The following ZFHX3 variants were observed in gnomAD, a reference collection of about 807,000 sequenced individuals.
ZFHX3 encodes the protein zinc finger homeobox 3, also known as zinc finger homeobox protein 3.
A neutral mutation model predicts 279.1 loss-of-function variants in ZFHX3; 42 were observed. The observed-to-expected ratio is 0.15, with a 90% confidence interval of 0.12 to 0.19. The LOEUF (loss-of-function observed/expected upper bound fraction) is 0.19. Among genes scored for constraint, ZFHX3 ranks in the 10% least tolerant of loss-of-function variants. ZFHX3 has a pLI of 1.00. For synonymous variants in ZFHX3, 2,293 were observed against 1,957.8 expected, an observed-to-expected ratio of 1.17 and a Z score of -4.52; for missense variants, 4,981 against 4,754.0, an observed-to-expected ratio of 1.05 and a Z score of -1.40.
chr16:73,129,985 C>A lies in ZFHX3; in HGVS notation c.-897+983G>T, dbSNP rs1966648816. Among the ~76,000 whole-genome samples, 3 of 152,094 alleles carry A rather than the reference C, an allele frequency of 2.0e-5. No individual in the cohort carries two copies. In the South Asian group the frequency reaches 6.2e-4, roughly 32 times the overall value. ...AACCCGAGAGCATTGCCAGTGATTCCACTCTTTGTGACAATGAAGGCCAGA... is the reference window on the plus strand; with the variant it reads ...AACCCGAGAGCATTGCCAGTGATTCAACTCTTTGTGACAATGAAGGCCAGA... On this transcript the variant is annotated intron_variant, in intron 7 of 17. Transcript: ENST00000641206.
In ZFHX3 at chr16:73,366,727, T is replaced by G. The variant is rs564798863; in HGVS notation, c.-1290-48391A>C. The stretch of plus-strand genomic sequence containing the variant: ...ATGTGTGTGCACATGCATGTGTGTG[T>G]GTGTGCGTGCACACTCACTGTATGA... On this transcript the variant is annotated intron_variant, in intron 3 of 17. Transcript: ENST00000641206. Among the ~76,000 whole-genome samples the G allele has an allele frequency of 2.7e-4, 41 of 152,314 alleles. 1 individual carries two copies. Among genetic ancestry groups the G allele is most frequent in the African/African-American group, 9.6e-4 (40 of 41,576 alleles).
intron 5 of ZFHX3, among the ~76,000 whole-genome samples, chr16:73,243,627 A>G (rs2013190660): frequency 6.6e-6 from 1 of 152,202 alleles, no homozygotes; most frequent in Non-Finnish European, 1.5e-5. Context: ...ACATTTCCAT[A>G]TGACGGTAAA....
intron 5 of ZFHX3, among the ~76,000 whole-genome samples, chr16:73,159,865 C>T (rs528553385): frequency 6.6e-6 from 1 of 152,234 alleles, no homozygotes; most frequent in East Asian, 1.9e-4. Flanking sequence ...CAGGTTCAAG[C>T]GATTCTCCTG....
At chr16:72,809,459 G>A (rs2036373267) in intron 7 of ZFHX3, 1 of 152,180 alleles carries the variant, frequency 6.6e-6, no homozygotes, top group Non-Finnish European at 1.5e-5. Flanking sequence ...TCCACAGAAG[G>A]AGGTTTTCAC....
chr16:72,950,944 T>C lies in ZFHX3; in HGVS notation c.2741A>G (p.Asp914Gly), dbSNP rs759712718. The change falls in exon 3 of 10, where the codon GAC becomes GGC. Residue 914 changes from aspartate to glycine, a missense_variant. This residue lies in a region of ZFHX3 where 1,751 missense variants were observed against 1,770.0 expected (regional missense o/e 0.99). Coordinates refer to ENST00000268489, the MANE Select transcript of ZFHX3 (RefSeq NM_006885.4). The stretch of plus-strand genomic sequence containing the variant: ...CAGCTGCCCGCCCCCGAGCCGCATG[T>C]CTAGGGGGATCTCACCGCCCACTGC... ...PALVGGEIPL[D>G]MRLGGGQLVS... 1.9e-6 allele frequency: 3 copies of C among 1,612,642 alleles called. No homozygotes were observed. Among genetic ancestry groups the C allele is most frequent in the African/African-American group, 2.7e-5 (2 of 74,842 alleles).
intron 1 of ZFHX3, among the ~76,000 whole-genome samples, chr16:73,766,953 C>CTTT (rs2053953652): frequency 1.2e-5 from 1 of 83,472 alleles, no homozygotes. Flanking sequence ...TTTTTTTTTC[C>CTTT]GAGATGGAGT....
chr16:73,294,101 T>C lies in ZFHX3; in HGVS notation c.-1194+24139A>G, dbSNP rs932416405. 2.6e-5 allele frequency: 4 copies of C among 152,038 alleles called. No homozygotes were observed. The East Asian group carries it at 5.8e-4, about 22-fold the overall frequency. The allele number at this position is 152,038 out of a possible 1,614,324, so 9.4% of individuals were successfully genotyped here. A position where few individuals can be genotyped will look rare whatever the true frequency, so the allele number is the denominator to read the frequency against. On this transcript the variant is annotated intron_variant, in intron 4 of 17. Coordinates refer to the ZFHX3 transcript ENST00000641206. ...AATTAATACATTTATAGTTCGATTA[T>C]GATTTTAGTGACAGAGCTTGTTGTG...
intron 1 of ZFHX3, among the ~76,000 whole-genome samples, chr16:73,720,897 A>G (rs75253422): frequency 0.027 from 4,140 of 152,282 alleles, 187 homozygotes; most frequent in African/African-American, 0.094. Flanking sequence ...TTGTCCTTCC[A>G]AGTTAATATC....
intron 1 of ZFHX3, among the ~76,000 whole-genome samples, chr16:72,970,377 G>A (rs1962050563): frequency 6.6e-6 from 1 of 152,072 alleles, no homozygotes; most frequent in African/African-American, 2.4e-5. Context: ...TATAGTAACT[G>A]TATCTCACAC....
At chr16:72,992,980 T>C (rs1963150685) in intron 1 of ZFHX3, among the ~76,000 whole-genome samples, 1 of 152,000 alleles carries the variant, frequency 6.6e-6, no homozygotes, top group African/African-American at 2.4e-5. Context: ...CTACTAAAAA[T>C]AGAAAAATTA....
intron 2 of ZFHX3, among the ~76,000 whole-genome samples, chr16:73,508,663 T>C (rs1253308649): frequency 1.3e-5 from 2 of 152,162 alleles, no homozygotes; most frequent in South Asian, 2.1e-4. Context: ...CAAGCCATCA[T>C]CAAAAACAGG....
intron 1 of ZFHX3, among the ~76,000 whole-genome samples, chr16:72,978,458 G>GGCC (rs1462654074): frequency 1.3e-5 from 2 of 152,078 alleles, no homozygotes; most frequent in Non-Finnish European, 2.9e-5. Context: ...AAAACTTGCA[G>GGCC]GCCATAAGCC....
At chr16:73,027,947 C>T (rs1168310927) in intron 1 of ZFHX3, among the ~76,000 whole-genome samples, 3 of 152,120 alleles carry the variant, frequency 2.0e-5, no homozygotes, top group Non-Finnish European at 2.9e-5. Flanking sequence ...GAGGCTGCCA[C>T]GGGGACCATA....
intron 4 of ZFHX3, among the ~76,000 whole-genome samples, chr16:72,840,470 TG>T (rs1202143383): frequency 6.6e-6 from 1 of 152,012 alleles, no homozygotes; most frequent in Non-Finnish European, 1.5e-5. Context: ...ACAATACCAA[TG>T]GGAATGACGG....
intron 1 of ZFHX3, among the ~76,000 whole-genome samples, chr16:72,998,475 C>CT (rs1173312862): frequency 6.6e-6 from 1 of 152,198 alleles, no homozygotes; most frequent in Non-Finnish European, 1.5e-5. Flanking sequence ...TTAACCGAAT[C>CT]TGTCTACACA....
intron 2 of ZFHX3, among the ~76,000 whole-genome samples, chr16:73,667,465 T>C (rs1247085060): frequency 1.3e-5 from 2 of 152,228 alleles, no homozygotes; most frequent in African/African-American, 4.8e-5. Flanking sequence ...ATGATACATA[T>C]ATGTTTCAGT....
chr16:73,362,152 C>T (rs2016443553), intron 3 of ZFHX3, among the ~76,000 whole-genome samples: 1 of 152,160 alleles, frequency 6.6e-6, no homozygotes, highest in African/African-American at 2.4e-5. Flanking sequence ...CAACCCCCAC[C>T]CAGTACCTCT....
At chr16:73,236,562 C>T (rs1174040581) in intron 5 of ZFHX3, among the ~76,000 whole-genome samples, 1 of 152,036 alleles carries the variant, frequency 6.6e-6, no homozygotes, top group African/African-American at 2.4e-5. Flanking sequence ...CATGCCACTG[C>T]ACCCCAGCCT....
chr16:73,884,768 C>G (rs906166385), intron 1 of ZFHX3, among the ~76,000 whole-genome samples: 2 of 152,142 alleles, frequency 1.3e-5, no homozygotes, highest in South Asian at 2.1e-4. Context: ...AAAAATGACC[C>G]TGTTTATCTG....
Sources: gnomAD v4.1 joint callset for allele counts (sites outside exome capture counted in the v4.1 genomes callset) on GRCh38, gnomAD v4.1.1 for gene constraint, gnomAD v4.1.1 regional missense constraint, MANE v1.5 for transcripts, NCBI Gene and HGNC (gene_info 2026-07-23, HGNC 2026-07-21) for gene names.